ERCC8: variants seen among roughly 807,000 people sequenced by gnomAD.
ERCC8 encodes the protein ERCC excision repair 8, CSA ubiquitin ligase complex subunit, also known as DNA excision repair protein ERCC-8.
In ERCC8, 52 loss-of-function variants were observed where a neutral mutation model predicts 54.9. The observed-to-expected ratio is 0.95, with a 90% CI of 0.76 to 1.19. The LOEUF (loss-of-function observed/expected upper bound fraction) is 1.19. Ranked by LOEUF, ERCC8 falls within the 50% of genes most tolerant of loss-of-function variation. ERCC8 has a pLI of 0.00. For missense variants in ERCC8, 514 were observed against 466.1 expected (o/e 1.10, Z -0.95); for synonymous variants, 146 against 157.2 (o/e 0.93, Z 0.53).
At chr5:60,877,967 C>G (rs941564494) in intron 11 of ERCC8, among the ~76,000 whole-genome samples, 87 of 152,284 alleles carry the variant, frequency 5.7e-4, no homozygotes, top group African/African-American at 2.0e-3. Flanking sequence ...AAAGGGAATG[C>G]TTCCAGTTTT....
At chr5:60,875,616 C>T (rs1322002801) in intron 11 of ERCC8, among the ~76,000 whole-genome samples, 3 of 152,186 alleles carry the variant, frequency 2.0e-5, no homozygotes, top group Non-Finnish European at 2.9e-5. Context: ...CAATTTTATT[C>T]AGATTCCAAT....
At chr5:60,884,038 T>G (rs913738077) in intron 11 of ERCC8, among the ~76,000 whole-genome samples, 24 of 152,204 alleles carry the variant, frequency 1.6e-4, no homozygotes, top group Admixed American at 4.6e-4. Context: ...GGGAGGTAAC[T>G]CTCATCTGAA....
chr5:60,887,333 C>G (rs1414783185), intron 11 of ERCC8, 107 bp downstream of exon 11: 5 of 929,988 alleles, frequency 5.4e-6, no homozygotes, highest in Non-Finnish European at 8.7e-6. Context: ...ACTATAGGTG[C>G]ATGCCACTGG....
chr5:60,879,713 G>A (rs967685727), intron 11 of ERCC8, among the ~76,000 whole-genome samples: 6 of 151,938 alleles, frequency 3.9e-5, no homozygotes, highest in African/African-American at 1.5e-4. Context: ...TTTTCCATTT[G>A]CTTGGTAGAT....
intron 2 of ERCC8, among the ~76,000 whole-genome samples, chr5:60,927,467 C>A (rs1197538911): frequency 6.6e-6 from 1 of 152,192 alleles, no homozygotes; most frequent in Non-Finnish European, 1.5e-5. Context: ...TAGCAAGAGT[C>A]TTCAGACTTT....
intron 9 of ERCC8, chr5:60,892,366 G>C: frequency 1.8e-6 from 1 of 549,080 alleles, no homozygotes; most frequent in Admixed American, 2.0e-5. Flanking sequence ...AGCATTCCAT[G>C]GTGTCTTCAT....
rs577016330 is a variant in ERCC8, at chr5:60,867,348, G to C, written c.*7267C>G. 6.6e-6 allele frequency among the ~76,000 whole-genome samples: 1 copy of C among 151,878 alleles called. No homozygotes were observed. The highest frequency in any genetic ancestry group is 1.5e-5 in the Non-Finnish European group (1 of 67,982). ...CGGCTCACTGCAACCTCCGCCTTCA[G>C]GGTTCAGGCCATTCTCCTGCCTCTG... On this transcript the variant is annotated 3_prime_UTR_variant, in exon 12 of 12. Coordinates refer to ENST00000676185, the MANE Select transcript of ERCC8 (RefSeq NM_000082.4).
rs1047793536 is a variant in ERCC8, at chr5:60,871,435, T to C, written c.*3180A>G. Among the ~76,000 whole-genome samples, 5 of 152,156 alleles carry C rather than the reference T, an allele frequency of 3.3e-5. No homozygotes were observed. The highest frequency in any genetic ancestry group is 2.0e-4 in the Admixed American group (3 of 15,278). On this transcript the variant is annotated 3_prime_UTR_variant, in exon 12 of 12. Coordinates refer to ENST00000676185, the MANE Select transcript of ERCC8 (RefSeq NM_000082.4). Reference sequence around the variant, plus strand: ...CATAGATATATATAGGATTGCAATATGAAAGAACACAGTCTAGGTTAATAA... The same window carrying C: ...CATAGATATATATAGGATTGCAATACGAAAGAACACAGTCTAGGTTAATAA...
At chr5:60,923,328 C>T (rs1749654998) in intron 2 of ERCC8, among the ~76,000 whole-genome samples, 1 of 152,084 alleles carries the variant, frequency 6.6e-6, no homozygotes, top group South Asian at 2.1e-4. Context: ...CTTGGTACTT[C>T]ATATACTTTA....
rs191597149 is a variant in ERCC8 at position 60,866,519 on chromosome 5, C to T, written c.*8096G>A. On this transcript the variant is annotated 3_prime_UTR_variant, in exon 12 of 12. Coordinates refer to ENST00000676185, the MANE Select transcript of ERCC8 (RefSeq NM_000082.4). Reference sequence around the variant, plus strand: ...AACTTTGTAAGGTGTATTTTATTCCCGTTCTACAAATGAATAAACTTGCAA... The same window carrying T: ...AACTTTGTAAGGTGTATTTTATTCCTGTTCTACAAATGAATAAACTTGCAA... 2.0e-4 allele frequency: 30 copies of T among 152,098 alleles called. No homozygotes were observed. The East Asian group carries it at 5.6e-3, about 28-fold the overall frequency. The allele number at this position is 152,098 out of a possible 1,614,324, so 9.4% of individuals were successfully genotyped here.
At chr5:60,882,563 A>G (rs966738001) in intron 11 of ERCC8, among the ~76,000 whole-genome samples, 1 of 151,902 alleles carries the variant, frequency 6.6e-6, no homozygotes, top group African/African-American at 2.4e-5. Flanking sequence ...GAATTTTTGT[A>G]TTTTTAGTAG....
intron 4 of ERCC8, among the ~76,000 whole-genome samples, chr5:60,915,780 T>C (rs975643858): frequency 3.3e-5 from 5 of 152,016 alleles, no homozygotes; most frequent in African/African-American, 7.3e-5. Flanking sequence ...AAGATTCTTA[T>C]GATTACATTG....
Position 60,872,012 on chromosome 5 carries a change from G to C in ERCC8, c.*2603C>G, listed in dbSNP as rs1747873533. Among the ~76,000 whole-genome samples the C allele has an allele frequency of 6.6e-6, 1 of 152,064 alleles. No homozygotes were observed. Among genetic ancestry groups the C allele is most frequent in the Non-Finnish European group, 1.5e-5 (1 of 68,020 alleles). ...AGACGAGGTTTTGCCATGTTGCCCA[G>C]GCTGGTCTTGAACTCCTGAGCTCAA... On this transcript the variant is annotated 3_prime_UTR_variant, in exon 12 of 12. Coordinates refer to ENST00000676185, the MANE Select transcript of ERCC8 (RefSeq NM_000082.4).
At chr5:60,880,194 C>T (rs576748688) in intron 11 of ERCC8, among the ~76,000 whole-genome samples, 22 of 152,258 alleles carry the variant, frequency 1.4e-4, no homozygotes, top group African/African-American at 4.8e-4. Flanking sequence ...AATATTGGCC[C>T]CCACTCTCTT....
chr5:60,939,366 T>A (rs1750187791), intron 1 of ERCC8, among the ~76,000 whole-genome samples: 1 of 152,256 alleles, frequency 6.6e-6, no homozygotes, highest in Non-Finnish European at 1.5e-5. Context: ...ATTAACGTTC[T>A]TTCCTAATTT....
chr5:60,874,376 C>T lies in ERCC8; in HGVS notation c.*239G>A. Reference sequence around the variant, plus strand: ...ACGACTTGTGTTACTTGTACTGTAGCAATGAGGGCTTTCCCAGGCCACAAC... The same window carrying T: ...ACGACTTGTGTTACTTGTACTGTAGTAATGAGGGCTTTCCCAGGCCACAAC... On this transcript the variant is annotated 3_prime_UTR_variant, in exon 12 of 12. Transcript: ENST00000676185. 1 of 488,834 alleles carries T rather than the reference C, an allele frequency of 2.0e-6. No homozygotes were observed. The highest frequency in any genetic ancestry group is 3.7e-5 in the East Asian group (1 of 27,396). The allele number at this position is 488,834 out of a possible 1,614,324, so 30.3% of individuals were successfully genotyped here.
At chr5:60,881,328 G>C (rs143358449) in intron 11 of ERCC8, among the ~76,000 whole-genome samples, 2,281 of 152,294 alleles carry the variant, frequency 0.015, 57 homozygotes, top group African/African-American at 0.051. Flanking sequence ...TGAGGAGGCA[G>C]TCTGTCTGTT....
intron 4 of ERCC8, chr5:60,907,427 A>T (rs1336086233): frequency 7.0e-6 from 1 of 143,810 alleles, no homozygotes; most frequent in Non-Finnish European, 1.5e-5. Context: ...ATCTTGGCTC[A>T]CTGCAACCTC....
rs149494865 is a variant in ERCC8, at chr5:60,866,645, T to G, written c.*7970A>C. 15 of 152,372 alleles carry G rather than the reference T, an allele frequency of 9.8e-5. No individual in the cohort carries two copies. The highest frequency in any genetic ancestry group is 3.6e-4 in the African/African-American group (15 of 41,596). 9.4% of individuals were successfully genotyped at this position (152,372 alleles called of 1,614,324 possible). A position where few individuals can be genotyped will look rare whatever the true frequency, so the allele number is the denominator to read the frequency against. On this transcript the variant is annotated 3_prime_UTR_variant, in exon 12 of 12. Transcript: ENST00000676185. ...AATTCATTCCATTAGAATTTGAGTGTTCACTCAGTATTAAGACAATTCATA... is the reference window on the plus strand; with the variant it reads ...AATTCATTCCATTAGAATTTGAGTGGTCACTCAGTATTAAGACAATTCATA...
Sources: gnomAD v4.1 joint callset for allele counts (sites outside exome capture counted in the v4.1 genomes callset) on GRCh38, gnomAD v4.1.1 for gene constraint, MANE v1.5 for transcripts, NCBI Gene and HGNC (gene_info 2026-07-23, HGNC 2026-07-21) for gene names.